The following RO60 variants were observed in gnomAD, a reference collection of about 807,000 sequenced individuals.
RO60 encodes the protein RNA-binding protein RO60.
A neutral mutation model predicts 55.3 loss-of-function variants in RO60; 20 were observed. The observed-to-expected ratio is 0.36, with a 90% confidence interval of 0.25 to 0.53. The LOEUF is 0.53. RO60 is among the 20% of genes least tolerant of loss of function. The pLI is 0.92. For synonymous variants in RO60, 213 were observed against 213.6 expected, an observed-to-expected ratio of 1.00 and a Z score of 0.02; for missense variants, 558 against 646.6, an observed-to-expected ratio of 0.86 and a Z score of 1.49.
intron 8 of RO60, among the ~76,000 whole-genome samples, chr1:193,083,184 ATTTAT>A (rs1327352096): frequency 6.6e-6 from 1 of 152,238 alleles, no homozygotes; most frequent in Non-Finnish European, 1.5e-5. Flanking sequence ...CACACATAAA[ATTTAT>A]TTTAACCAGT....
At chr1:193,070,446 A>T in intron 2 of RO60, 1 of 317,728 alleles carries the variant, frequency 3.1e-6, no homozygotes, top group South Asian at 2.4e-5. Context: ...TAGTCCTTTT[A>T]AGAAAAGAAA....
intron 2 of RO60, among the ~76,000 whole-genome samples, chr1:193,075,197 T>C (rs1434935060): frequency 6.6e-6 from 1 of 152,008 alleles, no homozygotes; most frequent in East Asian, 1.9e-4. Flanking sequence ...GAGTATAGGC[T>C]AGAACCCAGA....
intron 8 of RO60, 72 bp from the exon 9 acceptor site, chr1:193,084,507 T>C (rs1007839751): frequency 3.4e-6 from 5 of 1,462,722 alleles, no homozygotes; most frequent in Middle Eastern, 1.8e-4. Context: ...TGTTAAAGTG[T>C]TTTAATTTTG....
intron 1 of RO60, chr1:193,060,124 G>A (rs1405236574): frequency 5.8e-6 from 7 of 1,199,728 alleles, no homozygotes; most frequent in Non-Finnish European, 7.4e-6. Flanking sequence ...CGGCTTCTGC[G>A]CGGAGAGGCG....
intron 2 of RO60, among the ~76,000 whole-genome samples, chr1:193,072,887 A>T (rs930731126): frequency 6.6e-6 from 1 of 152,192 alleles, no homozygotes; most frequent in Admixed American, 6.5e-5. Flanking sequence ...TTTAATTTGA[A>T]ATTGTTGAGG....
intron 3 of RO60, 117 bp from the exon 4 acceptor site, chr1:193,076,384 T>C: frequency 9.0e-7 from 1 of 1,112,944 alleles, no homozygotes; most frequent in South Asian, 1.7e-5. Context: ...CTGAAAGTAC[T>C]TTGAACCCCA....
chr1:193,077,054 G>T lies in RO60; in HGVS notation c.1086+4G>T. On this transcript the variant is annotated splice_donor_region_variant and intron_variant, in intron 5 of 8. Transcript: ENST00000400968. The stretch of plus-strand genomic sequence containing the variant: ...TGCTTTTTATAAAACATTTAAGGTA[G>T]TGATATGATTTTTGTTTTAAAACAA... 6.2e-7 allele frequency: 1 copy of T among 1,603,320 alleles called. No individual in the cohort carries two copies.
At chr1:193,091,633 C>G (rs1293069522), downstream of RO60, 1 of 1,603,016 alleles carries the variant, frequency 6.2e-7, no homozygotes, top group Non-Finnish European at 8.5e-7. Context: ...ACTGTGAAAT[C>G]CTTTCTCTCC....
chr1:193,088,870 CTT>C lies in RO60; in HGVS notation c.*4146_*4147del, dbSNP rs960128619. On this transcript the variant is annotated 3_prime_UTR_variant, in exon 9 of 9. Coordinates refer to ENST00000400968, the MANE Select transcript of RO60 (RefSeq NM_001173524.2). ...TTGTTGGAAGATTACTTTTCTACCT[CTT>C]TTTTTTCTTTTAAAATTCCTTTCTT... 1.3e-5 allele frequency: 2 copies of C among 151,972 alleles called. No homozygotes were observed. The highest frequency in any genetic ancestry group is 4.8e-5 in the African/African-American group (2 of 41,386). 9.4% of individuals were successfully genotyped at this position (151,972 alleles called of 1,614,324 possible). A position where few individuals can be genotyped will look rare whatever the true frequency, so the allele number is the denominator to read the frequency against.
Position 193,075,889 on chromosome 1 carries a change from C to T in RO60, c.650C>T (p.Ala217Val). ...KEVHELYKEK[A>V]LSVETEKLLK... ...GTTCATGAATTGTATAAAGAAAAAG[C>T]ACTCTCTGTGGAGACTGAAAAATTA... Residue 217 changes from alanine (A) to valine (V), a missense_variant, in exon 3 of 9, where the codon GCA becomes GTA. Transcript: ENST00000400968. 3 of 1,612,724 alleles carry T rather than the reference C, an allele frequency of 1.9e-6. No individual in the cohort carries two copies. Among genetic ancestry groups the T allele is most frequent in the South Asian group, 2.2e-5 (2 of 90,936 alleles).
At chr1:193,079,961 TAAAAA>T (rs754439147) in intron 5 of RO60, among the ~76,000 whole-genome samples, 1 of 115,610 alleles carries the variant, frequency 8.6e-6, no homozygotes, top group Non-Finnish European at 1.8e-5. Flanking sequence ...ACCCCGTCTC[TAAAAA>T]AAAAAAAAAA....
At chr1:193,076,467 A>AT in intron 3 of RO60, 34 bp from the exon 4 acceptor site, 1 of 1,600,038 alleles carries the variant, frequency 6.2e-7, no homozygotes, top group African/African-American at 1.3e-5. Flanking sequence ...TTTTCCCTTA[A>AT]TTCCTGGTAT....
intron 2 of RO60, 112 bp downstream of exon 2, chr1:193,069,746 A>G: frequency 1.2e-6 from 1 of 825,732 alleles, no homozygotes; most frequent in Non-Finnish European, 1.8e-6. Context: ...ATAGCCTTTT[A>G]TTCTCAAAAT....
At chr1:193,073,892 C>G (rs1428610529) in intron 2 of RO60, among the ~76,000 whole-genome samples, 1 of 131,954 alleles carries the variant, frequency 7.6e-6, no homozygotes, top group African/African-American at 3.2e-5. Context: ...CCCCCCTCCC[C>G]CCACCCCACA....
chr1:193,079,192 A>G (rs1674130263), intron 5 of RO60, among the ~76,000 whole-genome samples: 1 of 144,314 alleles, frequency 6.9e-6, no homozygotes, highest in Admixed American at 7.5e-5. Context: ...GGTTCAAGTG[A>G]TTCTTATGCC....
In RO60 at chr1:193,085,835, A is replaced by G; in HGVS notation, c.*1104A>G. 1 of 985,312 alleles carries G rather than the reference A, an allele frequency of 1.0e-6. No individual in the cohort carries two copies. Among genetic ancestry groups the G allele is most frequent in the Non-Finnish European group, 1.2e-6 (1 of 829,838 alleles). The allele number at this position is 985,312 out of a possible 1,614,324, so 61.0% of individuals were successfully genotyped here. A position where few individuals can be genotyped will look rare whatever the true frequency, so the allele number is the denominator to read the frequency against. ...CTTTAGGTTTGAAAGGCAATTTTTG[A>G]GTAGCATATTACCAGCTAGCCAGTC... On this transcript the variant is annotated 3_prime_UTR_variant, in exon 9 of 9. Coordinates refer to ENST00000400968, the MANE Select transcript of RO60 (RefSeq NM_001173524.2).
intron 2 of RO60, among the ~76,000 whole-genome samples, chr1:193,070,198 C>T (rs978098449): frequency 9.2e-5 from 14 of 151,766 alleles, no homozygotes; most frequent in East Asian, 5.8e-4. Context: ...TGCCAGTAGG[C>T]GGCAGATGGC....
chr1:193,068,477 A>G (rs1476961083), intron 1 of RO60, among the ~76,000 whole-genome samples: 1 of 152,226 alleles, frequency 6.6e-6, no homozygotes, highest in Non-Finnish European at 1.5e-5. Context: ...AGGAGAAGAG[A>G]GAAGGGGGAA....
intron 8 of RO60, 38 bp from the exon 9 acceptor site, chr1:193,084,541 T>G: frequency 6.3e-7 from 1 of 1,578,532 alleles, no homozygotes; most frequent in Non-Finnish European, 8.6e-7. Flanking sequence ...TTTCCTTACA[T>G]TTATGTTTTT....
Sources: gnomAD v4.1 joint callset for allele counts (sites outside exome capture counted in the v4.1 genomes callset) on GRCh38, gnomAD v4.1.1 for gene constraint, MANE v1.5 for transcripts, NCBI Gene and HGNC (gene_info 2026-07-23, HGNC 2026-07-21) for gene names.